The following KIF12 variants were observed in gnomAD, a reference collection of about 807,000 sequenced individuals.
KIF12 encodes the protein kinesin-like protein KIF12.
KIF12 carries 80 observed loss-of-function variants against 87.9 expected under a neutral mutation model. The ratio of observed to expected loss-of-function variants is 0.91; its 90% CI spans 0.76 to 1.10. The LOEUF (loss-of-function observed/expected upper bound fraction) is 1.10. KIF12 is among the 50% of genes least tolerant of loss of function. The probability of loss-of-function intolerance (pLI) is 0.00; values close to 1 mark genes in which losing one functional copy is unlikely to be tolerated. For missense variants in KIF12, 819 were observed against 865.3 expected, an observed-to-expected ratio of 0.95 and a Z score of 0.67; for synonymous variants, 353 against 348.5, an observed-to-expected ratio of 1.01 and a Z score of -0.14.
chr9:114,093,564 C>G lies in KIF12; in HGVS notation c.1401-67G>C, dbSNP rs939177492. On this transcript the variant is annotated intron_variant, in intron 14 of 18. Coordinates refer to ENST00000640217, the MANE Select transcript of KIF12 (RefSeq NM_001388308.1). ...TACCACCAAGCTGGCTTTCAAATCC[C>G]CTTCCCAGCTAATACTCCTGGATCC... The G allele has an allele frequency of 5.4e-6, 7 of 1,296,906 alleles. No homozygotes were observed. The African/African-American group carries it at 1.0e-4, about 19-fold the overall frequency. The allele number at this position is 1,296,906 out of a possible 1,614,324, so 80.3% of individuals were successfully genotyped here. A position where few individuals can be genotyped will look rare whatever the true frequency, so the allele number is the denominator to read the frequency against.
intron 11 of KIF12, among the ~76,000 whole-genome samples, chr9:114,094,713 A>G (rs1847139323): frequency 6.6e-6 from 1 of 152,176 alleles, no homozygotes; most frequent in African/African-American, 2.4e-5. Flanking sequence ...CTTGGGCCAG[A>G]TAATGGTTCC....
intron 9 of KIF12, among the ~76,000 whole-genome samples, chr9:114,095,750 A>G (rs955901677): frequency 2.0e-5 from 3 of 152,122 alleles, no homozygotes; most frequent in African/African-American, 7.2e-5. Context: ...AGTCTTCCCA[A>G]CTGCACAAGG....
At chr9:114,096,270 T>C (rs1847225213) in intron 8 of KIF12, 63 bp from the exon 9 acceptor site, 13 of 1,609,066 alleles carry the variant, frequency 8.1e-6, no homozygotes, top group East Asian at 2.2e-5. Flanking sequence ...CACAAGGTTA[T>C]GGGACCAAGA....
chr9:114,099,265 G>A lies in KIF12; in HGVS notation c.12C>T (p.Arg4=), dbSNP rs1338588618. MEE[R]GSPDGDLARS... ...GATCTGCTTACCCGTCGGGTGACCC[G>A]CGTTCTTCCATGTCCTGCTCTGCAC... The change falls in exon 1 of 19, where the codon CGC becomes CGT. Residue 4 remains arginine, a synonymous_variant. Transcript: ENST00000640217. 4 of 1,550,914 alleles carry A rather than the reference G, an allele frequency of 2.6e-6. No individual in the cohort carries two copies. In the African/African-American group the frequency reaches 5.5e-5, roughly 21 times the overall value.
chr9:114,097,850 G>A (rs1847303122), intron 5 of KIF12, 109 bp from the exon 6 acceptor site: 10 of 1,281,964 alleles, frequency 7.8e-6, no homozygotes, highest in Non-Finnish European at 9.7e-6. Flanking sequence ...CCAAACAATG[G>A]CTCATTTAAT....
At chr9:114,097,208 C>T in intron 7 of KIF12, 93 bp downstream of exon 7, 2 of 1,471,372 alleles carry the variant, frequency 1.4e-6, no homozygotes, top group Middle Eastern at 1.8e-4. Context: ...ATTTCTGAAG[C>T]TGCAGCTGCA....
chr9:114,094,103 G>A, intron 13 of KIF12, 78 bp downstream of exon 13: 1 of 1,482,878 alleles, frequency 6.7e-7, no homozygotes, highest in South Asian at 1.1e-5. Context: ...GGGGCAGGGA[G>A]AGGAGGCAGT....
chr9:114,095,673 C>G (rs1847194351), intron 9 of KIF12, among the ~76,000 whole-genome samples: 1 of 152,224 alleles, frequency 6.6e-6, no homozygotes, highest in African/African-American at 2.4e-5. Context: ...CCCTGAGGAT[C>G]TCCAGGTCCA....
intron 9 of KIF12, 47 bp from the exon 10 acceptor site, chr9:114,095,379 G>T (rs1847180829): frequency 6.4e-7 from 1 of 1,569,882 alleles, no homozygotes; most frequent in South Asian, 1.2e-5. Context: ...ACTTGCCTAG[G>T]GCCATCAGGC....
At chr9:114,092,107 C>T in intron 18 of KIF12, 107 bp from the exon 19 acceptor site, 1 of 1,441,972 alleles carries the variant, frequency 6.9e-7, no homozygotes, top group Non-Finnish European at 9.2e-7. Flanking sequence ...TAGGTACCCT[C>T]CACCCTTCCC....
intron 7 of KIF12, among the ~76,000 whole-genome samples, chr9:114,096,698 C>T (rs964293050): frequency 4.6e-5 from 7 of 152,074 alleles, no homozygotes; most frequent in Admixed American, 3.9e-4. Flanking sequence ...GAATGACAGT[C>T]AGATTTGCAT....
intron 13 of KIF12, 99 bp downstream of exon 13, chr9:114,094,082 T>C: frequency 6.9e-7 from 1 of 1,451,328 alleles, no homozygotes; most frequent in East Asian, 2.3e-5. Context: ...GGTGGGGACA[T>C]AAGGGAGCCA....
chr9:114,094,000 G>A lies in KIF12; in HGVS notation c.1314-28C>T, dbSNP rs774849786. ...AGGGGAGATCACAAGCCAGGAAGGG[G>A]TAGGAAATGGGGCTGGGGTGGGGCA... On this transcript the variant is annotated intron_variant, in intron 13 of 18. Transcript: ENST00000640217. 5.0e-6 allele frequency: 8 copies of A among 1,594,162 alleles called. No homozygotes were observed. In the Admixed American group the frequency reaches 1.3e-4, roughly 27 times the overall value.
chr9:114,098,915 TAG>T lies in KIF12; in HGVS notation c.171+18_171+19del. 6.5e-7 allele frequency: 1 copy of T among 1,543,964 alleles called. No homozygotes were observed. Among genetic ancestry groups the T allele is most frequent in the Non-Finnish European group, 8.7e-7 (1 of 1,143,916 alleles). ...TCCCCGGGATTTTTTATTGGGGAGATAGAGAGAGGGGTTCCTCACCTGCAGAG... is the reference window on the plus strand; with the variant it reads ...TCCCCGGGATTTTTTATTGGGGAGATAGAGAGGGGTTCCTCACCTGCAGAG... On this transcript the variant is annotated intron_variant, in intron 3 of 18. Transcript: ENST00000640217.
chr9:114,093,256 G>A lies in KIF12; in HGVS notation c.1569C>T (p.Cys523=). ...GGGGCAGGTGGTGCTCCCCTGGCAG[G>A]CAGGCCCAGTGGGCCAGGGGCACTC... ...LCRVPLAHWA[C]LPGEHHLPQV... The change falls in exon 16 of 19, where the codon TGC becomes TGT. Residue 523 remains cysteine (C), a synonymous_variant. Coordinates refer to ENST00000640217, the MANE Select transcript of KIF12 (RefSeq NM_001388308.1). 1 of 1,555,952 alleles carries A rather than the reference G, an allele frequency of 6.4e-7. No individual in the cohort carries two copies. Among genetic ancestry groups the A allele is most frequent in the Non-Finnish European group, 8.7e-7 (1 of 1,148,922 alleles).
Position 114,097,741 on chromosome 9 carries a change from C to A in KIF12, c.376G>T (p.Gly126Trp), listed in dbSNP as rs749381022. 8 of 1,612,732 alleles carry A rather than the reference C, an allele frequency of 5.0e-6. No homozygotes were observed. Among genetic ancestry groups the A allele is most frequent in the Non-Finnish European group, 6.8e-6 (8 of 1,179,560 alleles). The part of the protein sequence containing the change: ...TYTLTGPPPQ[G>W]EGVPVPPSLA... ...CTGGGGGGTACAGGCACCCCCTCCC[C>A]CTAGGGGCAAAACCAGCTGAGCCAT... Residue 126 changes from glycine to tryptophan, a missense_variant and splice_region_variant, in exon 6 of 19, where the codon GGG becomes TGG. Coordinates refer to ENST00000640217, the MANE Select transcript of KIF12 (RefSeq NM_001388308.1).
Position 114,093,976 on chromosome 9 carries a change from G to A in KIF12, c.1314-4C>T. ...CTGCAGCTGGCTCTTTTCTTTCCTA[G>A]GGGAGATCACAAGCCAGGAAGGGGT... On this transcript the variant is annotated splice_polypyrimidine_tract_variant and splice_region_variant and intron_variant, in intron 13 of 18. Coordinates refer to ENST00000640217, the MANE Select transcript of KIF12 (RefSeq NM_001388308.1). 1 of 1,613,662 alleles carries A rather than the reference G, an allele frequency of 6.2e-7. No individual in the cohort carries two copies. Among genetic ancestry groups the A allele is most frequent in the Non-Finnish European group, 8.5e-7 (1 of 1,179,764 alleles).
chr9:114,092,516 A>T lies in KIF12; in HGVS notation c.1697+26T>A, dbSNP rs372008382. The T allele has an allele frequency of 1.5e-5, 24 of 1,613,098 alleles. No homozygotes were observed. In the African/African-American group the frequency reaches 2.7e-4, roughly 18 times the overall value. On this transcript the variant is annotated intron_variant, in intron 17 of 18. Transcript: ENST00000640217. ...GAGTTCCCCAGACCACCCCTCTCTG[A>T]CCTCAGTGCCCCAGGAGAGACCCAC...
At chr9:114,098,033 G>T in intron 5 of KIF12, 82 bp downstream of exon 5, 1 of 1,347,708 alleles carries the variant, frequency 7.4e-7, no homozygotes, top group Admixed American at 2.6e-5. Context: ...CTTCCCTCTG[G>T]GAGTCTGCGC....
Sources: allele counts gnomAD v4.1 joint callset (sites outside exome capture counted in the v4.1 genomes callset), GRCh38; gene constraint gnomAD v4.1.1; transcripts MANE v1.5; gene names NCBI Gene and HGNC (gene_info 2026-07-23, HGNC 2026-07-21).